The following RAMP1 variants were observed in gnomAD, a reference collection of about 807,000 sequenced individuals.
RAMP1 encodes receptor activity modifying protein 1, also known as receptor activity-modifying protein 1.
A neutral mutation model predicts 8.2 loss-of-function variants in RAMP1; 7 were observed. That is an observed-to-expected ratio of 0.85 (90% CI 0.49 to 1.60). The LOEUF is 1.60. Ranked by LOEUF, RAMP1 falls within the 40% of genes most tolerant of loss-of-function variation. The probability of loss-of-function intolerance (pLI) is 0.00; values close to 1 mark genes in which losing one functional copy is unlikely to be tolerated. For missense variants in RAMP1, 192 were observed against 202.4 expected, an observed-to-expected ratio of 0.95 and a Z score of 0.31; for synonymous variants, 92 against 84.7, an observed-to-expected ratio of 1.09 and a Z score of -0.47.
rs373373008 is a variant in RAMP1 at position 237,903,414 on chromosome 2, T to C, written c.192-8114T>C. On this transcript the variant is annotated intron_variant, in intron 2 of 2. Coordinates refer to ENST00000254661, the MANE Select transcript of RAMP1 (RefSeq NM_005855.4). ...GCATCCGTGAGTTTGAGATTATTGA[T>C]ACATATTGCCAAATTGTGTTTCAGA... Among the ~76,000 whole-genome samples the C allele has an allele frequency of 3.9e-4, 60 of 152,370 alleles. No homozygotes were observed. In the South Asian group the frequency reaches 0.011, roughly 28 times the overall value.
chr2:237,897,275 C>A (rs1047286776), intron 2 of RAMP1, among the ~76,000 whole-genome samples: 1 of 152,214 alleles, frequency 6.6e-6, no homozygotes, highest in African/African-American at 2.4e-5. Context: ...GCCTGAGGCC[C>A]AGACAGGCCA....
At chr2:237,874,010 G>A (rs1057152722) in intron 1 of RAMP1, among the ~76,000 whole-genome samples, 4 of 152,186 alleles carry the variant, frequency 2.6e-5, no homozygotes, top group Non-Finnish European at 5.9e-5. Flanking sequence ...CAATGGGCTG[G>A]GTATGGCAGT....
chr2:237,908,853 C>T (rs985717051), intron 2 of RAMP1, among the ~76,000 whole-genome samples: 14 of 152,138 alleles, frequency 9.2e-5, no homozygotes, highest in African/African-American at 2.9e-4. Context: ...TTTGTCTGTG[C>T]CCTGGGGGTG....
chr2:237,874,024 G>A (rs371391459), intron 1 of RAMP1, among the ~76,000 whole-genome samples: 25 of 152,282 alleles, frequency 1.6e-4, no homozygotes, highest in African/African-American at 5.3e-4. Flanking sequence ...TGGCAGTCCC[G>A]CCCCTTGGGA....
At chr2:237,868,944 C>A (rs150410192) in intron 1 of RAMP1, among the ~76,000 whole-genome samples, 2 of 152,142 alleles carry the variant, frequency 1.3e-5, no homozygotes, top group Admixed American at 6.5e-5. Context: ...GTGTGCATTG[C>A]GGGTTCTTTC....
At chr2:237,874,513 C>T (rs1044786560) in intron 1 of RAMP1, 7 of 293,132 alleles carry the variant, frequency 2.4e-5, no homozygotes, top group African/African-American at 6.8e-5. Flanking sequence ...GTTTCTGTTG[C>T]GTGCAGCCAA....
chr2:237,894,780 C>T (rs549869990), intron 2 of RAMP1, among the ~76,000 whole-genome samples: 1 of 152,198 alleles, frequency 6.6e-6, no homozygotes, highest in Non-Finnish European at 1.5e-5. Flanking sequence ...AACCTTCTCC[C>T]TTGCTCGGGT....
intron 2 of RAMP1, among the ~76,000 whole-genome samples, chr2:237,883,466 G>C (rs2062392629): frequency 6.6e-6 from 1 of 152,142 alleles, no homozygotes; most frequent in Non-Finnish European, 1.5e-5. Flanking sequence ...TGGGAAGGAG[G>C]CCCCCCGTGA....
At chr2:237,876,578 G>A (rs2062305868) in intron 1 of RAMP1, among the ~76,000 whole-genome samples, 1 of 152,212 alleles carries the variant, frequency 6.6e-6, no homozygotes, top group Non-Finnish European at 1.5e-5. Flanking sequence ...GGCCAAGAAA[G>A]AGAGGCTCAG....
At chr2:237,909,708 C>T (rs754330096) in intron 2 of RAMP1, among the ~76,000 whole-genome samples, 14 of 152,132 alleles carry the variant, frequency 9.2e-5, no homozygotes, top group Non-Finnish European at 1.9e-4. Context: ...AGAAAAGCAC[C>T]GATGGCTGGG....
intron 2 of RAMP1, among the ~76,000 whole-genome samples, chr2:237,881,209 C>T (rs1241289068): frequency 6.6e-6 from 1 of 152,184 alleles, no homozygotes; most frequent in East Asian, 1.9e-4. Context: ...AACAACATAA[C>T]CTGGAACTCT....
chr2:237,882,404 G>A (rs982575218), intron 2 of RAMP1, among the ~76,000 whole-genome samples: 4 of 152,238 alleles, frequency 2.6e-5, no homozygotes, highest in South Asian at 2.1e-4. Context: ...TGTCGAGCAC[G>A]TAACGTACAT....
intron 2 of RAMP1, among the ~76,000 whole-genome samples, chr2:237,891,575 G>T (rs1219916667): frequency 2.0e-5 from 3 of 151,550 alleles, no homozygotes; most frequent in Admixed American, 2.0e-4. Flanking sequence ...CTCTTTTTTT[G>T]CCGTAGGGAG....
chr2:237,903,821 A>T (rs1426249457), intron 2 of RAMP1, among the ~76,000 whole-genome samples: 13 of 152,164 alleles, frequency 8.5e-5, no homozygotes, highest in Non-Finnish European at 1.5e-5. Context: ...TAGCCTCCCG[A>T]GTAGCTGGGA....
chr2:237,884,996 G>A (rs963807018), intron 2 of RAMP1, among the ~76,000 whole-genome samples: 6 of 152,242 alleles, frequency 3.9e-5, no homozygotes, highest in African/African-American at 1.4e-4. Flanking sequence ...TGGTACGGCG[G>A]CTCAGCATGG....
At chr2:237,908,029 G>T (rs1220671260) in intron 2 of RAMP1, among the ~76,000 whole-genome samples, 1 of 152,178 alleles carries the variant, frequency 6.6e-6, no homozygotes, top group Non-Finnish European at 1.5e-5. Flanking sequence ...CATTGTTATG[G>T]TTATCTTCAA....
intron 1 of RAMP1, among the ~76,000 whole-genome samples, chr2:237,871,839 C>T (rs1322840797): frequency 5.3e-5 from 8 of 152,172 alleles, no homozygotes; most frequent in African/African-American, 1.9e-4. Context: ...CCAACCTAGG[C>T]AGCAGAGTGA....
At chr2:237,859,087 C>T (rs1191408194), upstream of RAMP1, 1 of 152,544 alleles carries the variant, frequency 6.6e-6, no homozygotes, top group Non-Finnish European at 1.5e-5. Flanking sequence ...CCTCTGCCCA[C>T]CCACTCATCC....
rs561352100 is a variant in RAMP1 at position 237,870,855 on chromosome 2, C to T, written c.53-6369C>T. Among the ~76,000 whole-genome samples, 7 of 152,254 alleles carry T rather than the reference C, an allele frequency of 4.6e-5. No homozygotes were observed. The East Asian group carries it at 7.7e-4, about 17-fold the overall frequency. ...GCATTTCCAGTAAGAGTGAGCAACA[C>T]GGATGCAAGAGAGGGACAAAGAACT... On this transcript the variant is annotated intron_variant, in intron 1 of 2. Coordinates refer to ENST00000254661, the MANE Select transcript of RAMP1 (RefSeq NM_005855.4).
Sources: gnomAD v4.1 joint callset for allele counts (sites outside exome capture counted in the v4.1 genomes callset) on GRCh38, gnomAD v4.1.1 for gene constraint, MANE v1.5 for transcripts, NCBI Gene and HGNC (gene_info 2026-07-23, HGNC 2026-07-21) for gene names.